Variants in CTTNBP2NL observed in about 807,000 individuals in gnomAD.
The protein encoded by CTTNBP2NL is CTTNBP2 N-terminal-like protein.
CTTNBP2NL carries 16 observed loss-of-function variants against 32.5 expected under a neutral mutation model. That is an observed-to-expected ratio of 0.49 (90% CI 0.33 to 0.75). The LOEUF is 0.75. Ranked by LOEUF, CTTNBP2NL falls within the 30% of genes least tolerant of loss-of-function variation. The pLI is 0.02. For missense variants in CTTNBP2NL, 645 were observed against 756.0 expected, an observed-to-expected ratio of 0.85 and a Z score of 1.72; for synonymous variants, 298 against 289.4, an observed-to-expected ratio of 1.03 and a Z score of -0.30.
chr1:112,414,102 A>G (rs1405178251), intron 2 of CTTNBP2NL, among the ~76,000 whole-genome samples: 1 of 151,816 alleles, frequency 6.6e-6, no homozygotes, highest in Non-Finnish European at 1.5e-5. Context: ...GTGGTGGCTC[A>G]CACCTGTAAT....
intron 3 of CTTNBP2NL, among the ~76,000 whole-genome samples, chr1:112,431,127 A>G (rs529034975): frequency 7.4e-4 from 113 of 152,362 alleles, no homozygotes; most frequent in African/African-American, 2.6e-3. Flanking sequence ...TTTAGAGAAC[A>G]TACAGTTTTC....
intron 3 of CTTNBP2NL, among the ~76,000 whole-genome samples, chr1:112,447,805 T>C (rs2483339): frequency 0.51 from 77,023 of 152,106 alleles, 22,236 homozygotes; most frequent in South Asian, 0.7. Flanking sequence ...TTAAAATGGA[T>C]AAATAATAGT....
Position 112,456,157 on chromosome 1 carries a change from C to T in CTTNBP2NL, c.665C>T (p.Ala222Val). 6.2e-7 allele frequency: 1 copy of T among 1,614,014 alleles called. No individual in the cohort carries two copies. Among genetic ancestry groups the T allele is most frequent in the Non-Finnish European group, 8.5e-7 (1 of 1,179,998 alleles). ...SRVSKLEEEL[A>V]AERKRGLQTE... is the part of the protein sequence containing the mutation. ...GTGAGTAAACTGGAAGAAGAGTTGG[C>T]AGCTGAGAGAAAGAGAGGCTTGCAG... Residue 222 changes from alanine (A) to valine (V), a missense_variant, in exon 6 of 6, where the codon GCA (alanine) becomes GTA (valine). Physicochemically the swap from Ala to Val is moderately conservative, Grantham distance 64. Coordinates refer to ENST00000271277, the MANE Select transcript of CTTNBP2NL (RefSeq NM_018704.3).
intron 4 of CTTNBP2NL, among the ~76,000 whole-genome samples, chr1:112,451,628 C>G (rs1650221878): frequency 6.6e-6 from 1 of 151,418 alleles, no homozygotes; most frequent in Non-Finnish European, 1.5e-5. Flanking sequence ...AAAAATTAGC[C>G]AGGCATGGTG....
At chr1:112,399,308 G>C (rs1042516497) in intron 1 of CTTNBP2NL, among the ~76,000 whole-genome samples, 3 of 111,384 alleles carry the variant, frequency 2.7e-5, no homozygotes, top group East Asian at 5.7e-4. Flanking sequence ...AACAAAGCGA[G>C]ACTCTGTCTC....
chr1:112,406,779 G>C (rs940896149), intron 1 of CTTNBP2NL, among the ~76,000 whole-genome samples: 2 of 152,108 alleles, frequency 1.3e-5, no homozygotes, highest in Non-Finnish European at 2.9e-5. Flanking sequence ...TCTCTATTAA[G>C]CATAGATCCA....
rs1650408343 is a variant in CTTNBP2NL, at chr1:112,457,504, G to T, written c.*92G>T. 2 of 1,119,362 alleles carry T rather than the reference G, an allele frequency of 1.8e-6. No homozygotes were observed. The highest frequency in any genetic ancestry group is 4.6e-5 in the Admixed American group (2 of 43,440). 69.3% of individuals were successfully genotyped at this position (1,119,362 alleles called of 1,614,324 possible). A position where few individuals can be genotyped will look rare whatever the true frequency, so the allele number is the denominator to read the frequency against. On this transcript the variant is annotated 3_prime_UTR_variant, in exon 6 of 6. Coordinates refer to ENST00000271277, the MANE Select transcript of CTTNBP2NL (RefSeq NM_018704.3). ...TGAGTCAGATTATGTTATTTATTTTGATAGTAGCTGAAACCATCTGTATAA... is the reference window on the plus strand; with the variant it reads ...TGAGTCAGATTATGTTATTTATTTTTATAGTAGCTGAAACCATCTGTATAA...
rs549547278 is a variant in CTTNBP2NL, at chr1:112,445,971, T to A, written c.100-2971T>A. ...CCATGGTGCTCTGAAAAGGAAAAGG[T>A]TATTAAAAGTATTTGGGTTTACTTT... On this transcript the variant is annotated intron_variant, in intron 3 of 5. Transcript: ENST00000271277. Among the ~76,000 whole-genome samples the A allele has an allele frequency of 2.6e-5, 4 of 152,280 alleles. No individual in the cohort carries two copies. In the East Asian group the frequency reaches 7.7e-4, roughly 29 times the overall value.
intron 3 of CTTNBP2NL, among the ~76,000 whole-genome samples, chr1:112,426,001 G>GTCTGTC (rs1326817974): frequency 4.1e-4 from 30 of 72,576 alleles, no homozygotes; most frequent in African/African-American, 9.6e-4. Flanking sequence ...GTGTGTGTGT[G>GTCTGTC]TGTCTGTCTG....
At chr1:112,438,536 T>C (rs1649804314) in intron 3 of CTTNBP2NL, among the ~76,000 whole-genome samples, 1 of 152,200 alleles carries the variant, frequency 6.6e-6, no homozygotes, top group South Asian at 2.1e-4. Context: ...TTTGACTTCC[T>C]CTTTTCTTAT....
In CTTNBP2NL at chr1:112,455,912, C is replaced by A; in HGVS notation, c.439-19C>A. On this transcript the variant is annotated intron_variant, in intron 5 of 5. Coordinates refer to ENST00000271277, the MANE Select transcript of CTTNBP2NL (RefSeq NM_018704.3). ...GATCACAGTTTGTCAGTATGTCTCT[C>A]TTTTCTTTTTTTTTCTAGTTGGAAT... 1.3e-6 allele frequency: 2 copies of A among 1,564,366 alleles called. No homozygotes were observed. The highest frequency in any genetic ancestry group is 1.7e-6 in the Non-Finnish European group (2 of 1,156,414).
intron 3 of CTTNBP2NL, among the ~76,000 whole-genome samples, chr1:112,442,243 A>C (rs1649917303): frequency 6.6e-6 from 1 of 152,150 alleles, no homozygotes; most frequent in Non-Finnish European, 1.5e-5. Context: ...CTCCTGCCTC[A>C]GCCTCCCAAG....
At chr1:112,430,434 C>T (rs898687849) in intron 3 of CTTNBP2NL, among the ~76,000 whole-genome samples, 13 of 151,790 alleles carry the variant, frequency 8.6e-5, no homozygotes, top group East Asian at 1.9e-4. Context: ...GATGGGGTTT[C>T]GCCATTTTGC....
At chr1:112,413,876 C>T (rs1648972449) in intron 2 of CTTNBP2NL, among the ~76,000 whole-genome samples, 1 of 151,490 alleles carries the variant, frequency 6.6e-6, no homozygotes, top group Non-Finnish European at 1.5e-5. Context: ...GGTAAAACCC[C>T]ATCTCTACTA....
intron 3 of CTTNBP2NL, among the ~76,000 whole-genome samples, chr1:112,422,007 A>G (rs866999290): frequency 6.6e-6 from 1 of 152,136 alleles, no homozygotes. Flanking sequence ...AAACTGTATT[A>G]TTTGATATGT....
chr1:112,398,199 T>G (rs896036856), intron 1 of CTTNBP2NL, among the ~76,000 whole-genome samples: 2 of 152,228 alleles, frequency 1.3e-5, no homozygotes, highest in African/African-American at 4.8e-5. Flanking sequence ...TGCCGAGGTT[T>G]AATAGGAAAA....
chr1:112,405,721 A>T (rs937477213), intron 1 of CTTNBP2NL, among the ~76,000 whole-genome samples: 1 of 152,218 alleles, frequency 6.6e-6, no homozygotes, highest in Non-Finnish European at 1.5e-5. Flanking sequence ...TCTTGCTGAC[A>T]TCATATATGA....
At chr1:112,455,057 T>A (rs1047212149) in intron 5 of CTTNBP2NL, among the ~76,000 whole-genome samples, 22 of 152,244 alleles carry the variant, frequency 1.4e-4, no homozygotes, top group African/African-American at 5.1e-4. Flanking sequence ...TATATTTTTT[T>A]AAAATTCTAG....
At chr1:112,393,046 C>T (rs1446698602), upstream of CTTNBP2NL, among the ~76,000 whole-genome samples, 4 of 152,018 alleles carry the variant, frequency 2.6e-5, no homozygotes, top group African/African-American at 7.3e-5. Context: ...TTAGTAGAGA[C>T]GGGGTTTCAC....
Sources: allele counts gnomAD v4.1 joint callset (sites outside exome capture counted in the v4.1 genomes callset), GRCh38; gene constraint gnomAD v4.1.1; transcripts MANE v1.5; gene names NCBI Gene and HGNC (gene_info 2026-07-23, HGNC 2026-07-21).